Variants in CTNNA3 observed in about 807,000 individuals in gnomAD.
The protein encoded by CTNNA3 is catenin alpha-3.
In CTNNA3, 76 loss-of-function variants were observed where a neutral mutation model predicts 95.7. The ratio of observed to expected loss-of-function variants is 0.79; its 90% CI spans 0.66 to 0.96. CTNNA3 has a LOEUF of 0.96. CTNNA3 is among the 40% of genes least tolerant of loss of function. The probability of loss-of-function intolerance (pLI) is 0.00; values close to 1 mark genes in which losing one functional copy is unlikely to be tolerated. For synonymous variants in CTNNA3, 431 were observed against 374.4 expected (o/e 1.15, Z -1.74); for missense variants, 1,191 against 1,089.8 (o/e 1.09, Z -1.31).
chr10:66,251,950 G>C (rs1443771692), intron 13 of CTNNA3, among the ~76,000 whole-genome samples: 3 of 152,090 alleles, frequency 2.0e-5, no homozygotes, highest in Non-Finnish European at 4.4e-5. Context: ...GTGGAACCAG[G>C]ATTTAAACTC....
chr10:66,312,462 A>G (rs2092034012), intron 12 of CTNNA3, among the ~76,000 whole-genome samples: 1 of 151,954 alleles, frequency 6.6e-6, no homozygotes, highest in South Asian at 2.1e-4. Context: ...GTGTGTGTGT[A>G]TAAATACATT....
At chr10:66,598,439 G>A (rs1843801180) in intron 10 of CTNNA3, among the ~76,000 whole-genome samples, 1 of 151,876 alleles carries the variant, frequency 6.6e-6, no homozygotes, top group Non-Finnish European at 1.5e-5. Context: ...AGAAATAATT[G>A]GCATCCAAAT....
At chr10:67,686,999 A>G (rs1338432702) in intron 1 of CTNNA3, among the ~76,000 whole-genome samples, 2 of 152,192 alleles carry the variant, frequency 1.3e-5, no homozygotes, top group Non-Finnish European at 2.9e-5. Context: ...TGGGACTTTC[A>G]GACACAACAA....
chr10:66,684,239 T>C (rs754224894), intron 9 of CTNNA3, among the ~76,000 whole-genome samples: 4 of 151,862 alleles, frequency 2.6e-5, no homozygotes, highest in Non-Finnish European at 4.4e-5. Context: ...GAAAGTGGAG[T>C]CCAAGGATAC....
Position 65,919,986 on chromosome 10 carries a change from G to A in CTNNA3, c.*344C>T, listed in dbSNP as rs2077057168. ...TTAATTCAAGATAAGGATGATAAGT[G>A]TACATGAAGTATTACAGATAAACAG... On this transcript the variant is annotated 3_prime_UTR_variant, in exon 18 of 18. Transcript: ENST00000433211. The A allele has an allele frequency of 4.4e-6, 1 of 225,004 alleles. No individual in the cohort carries two copies. The highest frequency in any genetic ancestry group is 8.8e-6 in the Non-Finnish European group (1 of 113,388). The allele number at this position is 225,004 out of a possible 1,614,324, so 13.9% of individuals were successfully genotyped here.
intron 2 of CTNNA3, among the ~76,000 whole-genome samples, chr10:67,637,775 G>C (rs909650373): frequency 6.6e-6 from 1 of 152,180 alleles, no homozygotes; most frequent in East Asian, 1.9e-4. Context: ...AACTTCATAA[G>C]TGAAGGAGAA....
intron 1 of CTNNA3, among the ~76,000 whole-genome samples, chr10:67,689,691 C>T (rs190301652): frequency 2.3e-3 from 346 of 152,166 alleles, no homozygotes; most frequent in Non-Finnish European, 4.3e-3. Flanking sequence ...TGTCAACCCT[C>T]GGCTCAGCCT....
intron 10 of CTNNA3, among the ~76,000 whole-genome samples, chr10:66,543,198 T>C (rs1014126971): frequency 2.0e-5 from 3 of 152,072 alleles, no homozygotes; most frequent in Non-Finnish European, 4.4e-5. Flanking sequence ...GTTCAAGCAA[T>C]TCTCCTGTCT....
chr10:65,969,167 A>G (rs541707664), intron 16 of CTNNA3, among the ~76,000 whole-genome samples: 1 of 152,264 alleles, frequency 6.6e-6, no homozygotes, highest in Admixed American at 6.5e-5. Context: ...AAGTTAAGCC[A>G]AAAGACCTTA....
At chr10:66,498,156 A>G (rs1336058080) in intron 11 of CTNNA3, among the ~76,000 whole-genome samples, 1 of 152,130 alleles carries the variant, frequency 6.6e-6, no homozygotes, top group Non-Finnish European at 1.5e-5. Flanking sequence ...CATATTTCTG[A>G]CAATGACAAC....
At chr10:67,601,670 C>T (rs1589474993) in intron 3 of CTNNA3, among the ~76,000 whole-genome samples, 1 of 152,158 alleles carries the variant, frequency 6.6e-6, no homozygotes, top group East Asian at 1.9e-4. Context: ...TACCTAATTC[C>T]TGGGTAACTG....
At chr10:67,414,294 A>G (rs767066289) in intron 5 of CTNNA3, among the ~76,000 whole-genome samples, 1 of 152,128 alleles carries the variant, frequency 6.6e-6, no homozygotes, top group Non-Finnish European at 1.5e-5. Flanking sequence ...CTCAGAGACT[A>G]CTATGAACAA....
chr10:66,573,633 A>G (rs1367245082), intron 10 of CTNNA3, among the ~76,000 whole-genome samples: 2 of 152,204 alleles, frequency 1.3e-5, no homozygotes, highest in Non-Finnish European at 2.9e-5. Context: ...CACAATTTTC[A>G]GCAAGATGAA....
At chr10:67,167,260 T>A (rs1391411651) in intron 7 of CTNNA3, among the ~76,000 whole-genome samples, 1 of 152,176 alleles carries the variant, frequency 6.6e-6, no homozygotes, top group Non-Finnish European at 1.5e-5. Context: ...TTGAATAGGC[T>A]AGACATACAA....
intron 2 of CTNNA3, among the ~76,000 whole-genome samples, chr10:67,629,995 G>A (rs925077916): frequency 7.9e-5 from 12 of 152,018 alleles, no homozygotes; most frequent in African/African-American, 2.7e-4. Flanking sequence ...GGATGCTAAC[G>A]GGACCAATTC....
chr10:67,343,944 A>T (rs1260915229), intron 5 of CTNNA3, among the ~76,000 whole-genome samples: 2 of 147,856 alleles, frequency 1.4e-5, no homozygotes, highest in Non-Finnish European at 3.0e-5. Flanking sequence ...ATATTATATT[A>T]ATTATACTTT....
chr10:67,514,091 G>A (rs1360671598), intron 5 of CTNNA3, among the ~76,000 whole-genome samples: 3 of 152,058 alleles, frequency 2.0e-5, no homozygotes, highest in Non-Finnish European at 2.9e-5. Flanking sequence ...CGGGTGAATC[G>A]AGTTCAAGAC....
At chr10:67,299,554 G>A (rs946104745) in intron 5 of CTNNA3, among the ~76,000 whole-genome samples, 12 of 152,248 alleles carry the variant, frequency 7.9e-5, no homozygotes, top group African/African-American at 9.6e-5. Context: ...AAGGCTGTAG[G>A]ATTCTTTATA....
Position 66,763,960 on chromosome 10 carries a change from A to T in CTNNA3, c.1281+2304T>A, listed in dbSNP as rs193150633. ...ATCACACGAGAAACCTTAAGCAAAA[A>T]TTGCCCAGCTCTTCCCAGTCAACCC... On this transcript the variant is annotated intron_variant, in intron 9 of 17. Coordinates refer to ENST00000433211, the MANE Select transcript of CTNNA3 (RefSeq NM_013266.4). Among the ~76,000 whole-genome samples, 21 of 152,288 alleles carry T rather than the reference A, an allele frequency of 1.4e-4. No individual in the cohort carries two copies. The East Asian group carries it at 4.1e-3, about 29-fold the overall frequency.
Sources: allele counts gnomAD v4.1 joint callset (sites outside exome capture counted in the v4.1 genomes callset), GRCh38; gene constraint gnomAD v4.1.1; transcripts MANE v1.5; gene names NCBI Gene and HGNC (gene_info 2026-07-23, HGNC 2026-07-21).